The following ENOX1 variants were observed in gnomAD, a reference collection of about 807,000 sequenced individuals.
ENOX1 encodes the protein ecto-NOX disulfide-thiol exchanger 1, also known as candidate growth-related and time keeping constitutive hydroquinone (NADH) oxidase.
A neutral mutation model predicts 82.5 loss-of-function variants in ENOX1; 42 were observed. That is an observed-to-expected ratio of 0.51 (90% CI 0.40 to 0.66). The LOEUF (loss-of-function observed/expected upper bound fraction) is 0.66. Among genes scored for constraint, ENOX1 ranks in the 30% least tolerant of loss-of-function variants. The pLI is 0.00. For synonymous variants in ENOX1, 271 were observed against 282.2 expected, an observed-to-expected ratio of 0.96 and a Z score of 0.40; for missense variants, 608 against 811.6, an observed-to-expected ratio of 0.75 and a Z score of 3.05.
At chr13:43,259,171 G>A (rs2043916264) in intron 14 of ENOX1, among the ~76,000 whole-genome samples, 1 of 152,162 alleles carries the variant, frequency 6.6e-6, no homozygotes, top group African/African-American at 2.4e-5. Context: ...TGAACAAAAT[G>A]GAAGTGCAGG....
chr13:43,290,350 T>C (rs2045929364), intron 12 of ENOX1, among the ~76,000 whole-genome samples: 1 of 151,264 alleles, frequency 6.6e-6, no homozygotes, highest in South Asian at 2.1e-4. Flanking sequence ...ATAAATTTGA[T>C]AAGGAAGATG....
chr13:43,353,565 T>A (rs2049950005), intron 8 of ENOX1, among the ~76,000 whole-genome samples: 1 of 152,194 alleles, frequency 6.6e-6, no homozygotes, highest in Non-Finnish European at 1.5e-5. Flanking sequence ...TGTCCTCAGC[T>A]CCTCCTGTCT....
chr13:43,276,803 T>G (rs550663306), intron 12 of ENOX1, among the ~76,000 whole-genome samples: 2 of 150,256 alleles, frequency 1.3e-5, no homozygotes, highest in Admixed American at 1.3e-4. Context: ...ATTTGCCACC[T>G]GGTATCTACA....
chr13:43,774,949 A>G (rs9562511), intron 1 of ENOX1, among the ~76,000 whole-genome samples: 58,638 of 151,886 alleles, frequency 0.39, 14,311 homozygotes, highest in Non-Finnish European at 0.56. Flanking sequence ...CCACAGGTTC[A>G]AGCAATCTCC....
chr13:43,722,439 G>A (rs1463335069), intron 1 of ENOX1, among the ~76,000 whole-genome samples: 6 of 152,208 alleles, frequency 3.9e-5, no homozygotes, highest in Non-Finnish European at 4.4e-5. Context: ...CAGGAAAGGA[G>A]CATGAGGAAA....
intron 2 of ENOX1, among the ~76,000 whole-genome samples, chr13:43,490,342 C>CA (rs550643611): frequency 8.5e-4 from 130 of 152,294 alleles, no homozygotes; most frequent in South Asian, 2.9e-3. Flanking sequence ...CCTTGAGTCT[C>CA]ACCCATAGAG....
intron 11 of ENOX1, among the ~76,000 whole-genome samples, chr13:43,298,914 G>A (rs76523862): frequency 1.3e-5 from 2 of 152,098 alleles, no homozygotes; most frequent in African/African-American, 4.8e-5. Context: ...CCCTTTCTAC[G>A]GGATTGCTTA....
At chr13:43,262,360 T>A (rs1236912674) in intron 14 of ENOX1, among the ~76,000 whole-genome samples, 1 of 152,222 alleles carries the variant, frequency 6.6e-6, no homozygotes, top group Non-Finnish European at 1.5e-5. Flanking sequence ...GTCCACTGTA[T>A]AATTGTTATT....
chr13:43,463,376 T>C (rs1321447714), intron 3 of ENOX1, among the ~76,000 whole-genome samples: 1 of 152,142 alleles, frequency 6.6e-6, no homozygotes, highest in Admixed American at 6.5e-5. Flanking sequence ...TAAAACTCAA[T>C]GTAAGGTGAC....
intron 14 of ENOX1, among the ~76,000 whole-genome samples, chr13:43,262,863 T>C (rs1566366912): frequency 2.6e-5 from 4 of 152,176 alleles, no homozygotes; most frequent in Admixed American, 6.5e-5. Context: ...CATGGTTTCA[T>C]TTAACACACA....
At chr13:43,419,559 A>G (rs1302894386) in intron 3 of ENOX1, among the ~76,000 whole-genome samples, 5 of 151,982 alleles carry the variant, frequency 3.3e-5, no homozygotes, top group Non-Finnish European at 7.4e-5. Flanking sequence ...GTCTTAAAAA[A>G]AGACAAAACA....
At chr13:43,597,976 C>T (rs117172737) in intron 2 of ENOX1, among the ~76,000 whole-genome samples, 307 of 152,278 alleles carry the variant, frequency 2.0e-3, no homozygotes, top group Admixed American at 3.7e-3. Flanking sequence ...TGACAGCAAG[C>T]CTCCTCCAGC....
At chr13:43,531,516 C>T (rs1190771893) in intron 2 of ENOX1, among the ~76,000 whole-genome samples, 3 of 149,580 alleles carry the variant, frequency 2.0e-5, no homozygotes, top group Non-Finnish European at 4.5e-5. Flanking sequence ...GTCAGTGTGG[C>T]AATTCCTCAG....
intron 2 of ENOX1, among the ~76,000 whole-genome samples, chr13:43,489,412 G>A (rs796272228): frequency 4.6e-5 from 7 of 152,316 alleles, no homozygotes; most frequent in African/African-American, 1.7e-4. Flanking sequence ...CAGAGTGCAA[G>A]AGCTGTGAGA....
intron 1 of ENOX1, among the ~76,000 whole-genome samples, chr13:43,721,347 A>G (rs1473063309): frequency 2.0e-5 from 3 of 151,154 alleles, no homozygotes; most frequent in Non-Finnish European, 1.5e-5. Context: ...GACTACATAA[A>G]TAAGAAAAAG....
chr13:43,249,278 C>T (rs914160941), intron 14 of ENOX1, among the ~76,000 whole-genome samples: 2 of 152,108 alleles, frequency 1.3e-5, no homozygotes, highest in Non-Finnish European at 2.9e-5. Context: ...TGAAAAAATA[C>T]ACTTGATCTC....
chr13:43,385,234 C>T (rs542128276), intron 5 of ENOX1, among the ~76,000 whole-genome samples: 3 of 152,154 alleles, frequency 2.0e-5, no homozygotes, highest in Non-Finnish European at 4.4e-5. Flanking sequence ...TCTTAGAATA[C>T]TCTCAAGATT....
rs771317844 is a variant in ENOX1 at position 43,214,118 on chromosome 13, A to G, written c.1804T>C (p.Ser602Pro). The G allele has an allele frequency of 1.4e-5, 23 of 1,612,578 alleles. No individual in the cohort carries two copies. The highest frequency in any genetic ancestry group is 1.9e-5 in the Non-Finnish European group (22 of 1,179,190). ...AAAAGCATTTCTATTTCATTTGCAG[A>G]TATCTGTTAGAAAGGAAGGAAAGTC... is the stretch of plus-strand genomic sequence containing the variant. Reference protein sequence around the residue: ...SYMQQLDSKISANEIEMLLMR... With the variant: ...SYMQQLDSKIPANEIEMLLMR... The change falls in exon 17 of 17, where the codon TCT becomes CCT. Residue 602 changes from serine (S) to proline (P), a missense_variant. By Grantham distance (74) the Ser-to-Pro change is moderately conservative (BLOSUM62 -1). Coordinates refer to ENST00000690772, the MANE Select transcript of ENOX1 (RefSeq NM_001347969.2).
chr13:43,521,095 A>G (rs9562496), intron 2 of ENOX1, among the ~76,000 whole-genome samples: 52,959 of 151,706 alleles, frequency 0.35, 10,958 homozygotes, highest in East Asian at 0.81. Context: ...AGCATACTCA[A>G]CCCTACTCTC....
Sources: gnomAD v4.1 joint callset for allele counts (sites outside exome capture counted in the v4.1 genomes callset) on GRCh38, gnomAD v4.1.1 for gene constraint, MANE v1.5 for transcripts, NCBI Gene and HGNC (gene_info 2026-07-23, HGNC 2026-07-21) for gene names.